Variants in HADHA observed in about 807,000 individuals in gnomAD.
The protein encoded by HADHA is trifunctional enzyme subunit alpha, mitochondrial.
In HADHA, 59 loss-of-function variants were observed where a neutral mutation model predicts 91.3. The observed-to-expected ratio is 0.65, with a 90% confidence interval of 0.52 to 0.80. The LOEUF (loss-of-function observed/expected upper bound fraction) is 0.80, where lower values mean the gene tolerates loss of function less well. Ranked by LOEUF, HADHA falls within the 30% of genes least tolerant of loss-of-function variation. The pLI is 0.00. For missense variants in HADHA, 800 were observed against 927.6 expected, an observed-to-expected ratio of 0.86 and a Z score of 1.79; for synonymous variants, 320 against 338.9, an observed-to-expected ratio of 0.94 and a Z score of 0.61.
intron 18 of HADHA, 106 bp from the exon 19 acceptor site, chr2:26,191,734 G>T: frequency 8.7e-7 from 1 of 1,153,378 alleles, no homozygotes; most frequent in Non-Finnish European, 1.3e-6. Flanking sequence ...GGAGCTCTGT[G>T]GGCCGGTTGG....
intron 4 of HADHA, 44 bp from the exon 5 acceptor site, chr2:26,234,399 T>A (rs3892649): frequency 6.4e-7 from 1 of 1,557,404 alleles, no homozygotes; most frequent in East Asian, 2.2e-5. Context: ...AAGATAAAAC[T>A]ATAATTTATT....
chr2:26,238,572 C>G (rs997861190), intron 3 of HADHA, among the ~76,000 whole-genome samples: 1 of 152,150 alleles, frequency 6.6e-6, no homozygotes, highest in Non-Finnish European at 1.5e-5. Context: ...TTATGTCAGG[C>G]AAGTAATGAA....
intron 1 of HADHA, among the ~76,000 whole-genome samples, chr2:26,239,376 G>A (rs1670838703): frequency 6.6e-6 from 1 of 152,186 alleles, no homozygotes; most frequent in South Asian, 2.1e-4. Flanking sequence ...TACATCCCCA[G>A]AACCTGTGAA....
At chr2:26,220,583 C>T (rs1026925208) in intron 7 of HADHA, among the ~76,000 whole-genome samples, 5 of 152,226 alleles carry the variant, frequency 3.3e-5, no homozygotes, top group Non-Finnish European at 7.3e-5. Context: ...GTGGCAACTG[C>T]AATTCTAACT....
intron 7 of HADHA, among the ~76,000 whole-genome samples, chr2:26,225,353 G>A (rs1222114088): frequency 6.8e-5 from 10 of 146,972 alleles, no homozygotes; most frequent in South Asian, 4.3e-4. Context: ...CCAAGATCTC[G>A]CCACTGCACC....
At chr2:26,222,404 A>G (rs904488247) in intron 7 of HADHA, among the ~76,000 whole-genome samples, 1 of 152,222 alleles carries the variant, frequency 6.6e-6, no homozygotes, top group African/African-American at 2.4e-5. Flanking sequence ...GGAATAGGTC[A>G]GTGGATAGAC....
chr2:26,212,301 G>GCA, intron 10 of HADHA: 1 of 446,880 alleles, frequency 2.2e-6, no homozygotes. Flanking sequence ...TGCACATGCT[G>GCA]GTCTTGAACT....
rs1558315109 is a variant in HADHA, at chr2:26,194,571, T to C, written c.1688A>G (p.Gln563Arg). The C allele has an allele frequency of 6.3e-7, 1 of 1,597,258 alleles. No homozygotes were observed. ...PMMSEVIRIL[Q>R]EGVDPKKLDS... ...AACACTCTGGAGAGCAATACCAACC[T>C]GGAGGATTCGGATGACTTCAGACAT... Residue 563 changes from glutamine to arginine, a missense_variant and splice_region_variant, in exon 16 of 20, where the codon CAG (glutamine) becomes CGG (arginine). By Grantham distance (43) the Gln-to-Arg change is conservative. Coordinates refer to ENST00000380649, the MANE Select transcript of HADHA (RefSeq NM_000182.5).
chr2:26,199,972 T>C (rs748448405), intron 13 of HADHA, among the ~76,000 whole-genome samples: 1 of 152,106 alleles, frequency 6.6e-6, no homozygotes, highest in Non-Finnish European at 1.5e-5. Context: ...CCTGCCCAGA[T>C]TGCAGAATTG....
At position 26,191,160 on chromosome 2, in the gene HADHA, C is replaced by T. The variant is rs1669484227; in HGVS notation, c.*90G>A. 7.4e-7 allele frequency: 1 copy of T among 1,353,330 alleles called. No individual in the cohort carries two copies. The allele number at this position is 1,353,330 out of a possible 1,614,324, so 83.8% of individuals were successfully genotyped here. A position where few individuals can be genotyped will look rare whatever the true frequency, so the allele number is the denominator to read the frequency against. Reference sequence around the variant, plus strand: ...AGTGCCGGAGTTTGTCTTCTCGTTACTCTGATAAATCTAGACACCACTCTG... The same window carrying T: ...AGTGCCGGAGTTTGTCTTCTCGTTATTCTGATAAATCTAGACACCACTCTG... On this transcript the variant is annotated 3_prime_UTR_variant, in exon 20 of 20. Coordinates refer to ENST00000380649, the MANE Select transcript of HADHA (RefSeq NM_000182.5).
chr2:26,192,250 G>T, intron 18 of HADHA, 60 bp downstream of exon 18: 1 of 871,698 alleles, frequency 1.1e-6, no homozygotes, highest in Non-Finnish European at 2.0e-6. Flanking sequence ...GAGGGGCTGG[G>T]AAGCTTTGGG....
chr2:26,217,047 G>A (rs771085621), intron 7 of HADHA, among the ~76,000 whole-genome samples: 1 of 152,136 alleles, frequency 6.6e-6, no homozygotes, highest in Non-Finnish European at 1.5e-5. Context: ...GTTACAGAAG[G>A]TAGAGGAAAA....
intron 6 of HADHA, among the ~76,000 whole-genome samples, chr2:26,230,683 G>A (rs1014119144): frequency 7.2e-5 from 11 of 152,024 alleles, no homozygotes; most frequent in East Asian, 1.9e-4. Flanking sequence ...ACTTTGGGAG[G>A]CCAAGGCAGG....
chr2:26,226,056 G>A, intron 7 of HADHA, among the ~76,000 whole-genome samples: 1 of 152,106 alleles, frequency 6.6e-6, no homozygotes, highest in Non-Finnish European at 1.5e-5. Context: ...ATTCTAGTGA[G>A]AAATTAAAGT....
intron 11 of HADHA, among the ~76,000 whole-genome samples, chr2:26,208,474 G>A (rs1458071328): frequency 6.6e-6 from 1 of 152,178 alleles, no homozygotes; most frequent in Non-Finnish European, 1.5e-5. Context: ...TAATTTAAGA[G>A]TACCCTCTTC....
chr2:26,195,273 G>A (rs1002139658), intron 14 of HADHA, 41 bp from the exon 15 acceptor site: 104 of 1,573,124 alleles, frequency 6.6e-5, no homozygotes, highest in Non-Finnish European at 8.5e-5. Flanking sequence ...GGAGAATGCG[G>A]GTGAGGAACC....
At chr2:26,215,011 A>C in intron 8 of HADHA, 42 bp downstream of exon 8, 3 of 1,547,054 alleles carry the variant, frequency 1.9e-6, no homozygotes, top group Admixed American at 3.3e-5. Flanking sequence ...TTAAATTCTC[A>C]GGAAAGAAGC....
chr2:26,238,128 C>T (rs1670804427), intron 3 of HADHA, among the ~76,000 whole-genome samples: 1 of 152,176 alleles, frequency 6.6e-6, no homozygotes, highest in South Asian at 2.1e-4. Context: ...CCACCTCAGC[C>T]TTCAGAGTAG....
At chr2:26,198,943 A>G (rs982767138) in intron 13 of HADHA, among the ~76,000 whole-genome samples, 2 of 150,856 alleles carry the variant, frequency 1.3e-5, no homozygotes, top group Non-Finnish European at 3.0e-5. Context: ...CGCCCAGGCT[A>G]GAGTGCAGTG....
Sources: allele counts gnomAD v4.1 joint callset (sites outside exome capture counted in the v4.1 genomes callset), GRCh38; gene constraint gnomAD v4.1.1; transcripts MANE v1.5; gene names NCBI Gene and HGNC (gene_info 2026-07-23, HGNC 2026-07-21).